Variants in ALOX5 observed in about 807,000 individuals in gnomAD.
ALOX5 encodes the protein arachidonate 5-lipoxygenase.
ALOX5 carries 64 observed loss-of-function variants against 87.9 expected under a neutral mutation model. That is an observed-to-expected ratio of 0.73 (90% CI 0.60 to 0.90). The LOEUF (loss-of-function observed/expected upper bound fraction) is 0.90, where lower values mean the gene tolerates loss of function less well. Among genes scored for constraint, ALOX5 ranks in the 40% least tolerant of loss-of-function variants. The pLI, the probability that ALOX5 is intolerant of heterozygous loss-of-function variation, is 0.00. For synonymous variants in ALOX5, 388 were observed against 355.1 expected, an observed-to-expected ratio of 1.09 and a Z score of -1.04; for missense variants, 822 against 907.5, an observed-to-expected ratio of 0.91 and a Z score of 1.21.
rs890304456 is a variant in ALOX5, at chr10:45,425,855, T to C, written c.834+723T>C. The stretch of plus-strand genomic sequence containing the variant: ...TCCAGGTGGCCTCTGCTGCTTCCAG[T>C]CTTTTGAGCTCAGCTTACCCTGAGG... On this transcript the variant is annotated intron_variant, in intron 6 of 13. Coordinates refer to ENST00000374391, the MANE Select transcript of ALOX5 (RefSeq NM_000698.5). This position sits in a 1 kb window ranked among gnomAD's most constrained non-coding sequence, Gnocchi z 4.4. 1.3e-5 allele frequency among the ~76,000 whole-genome samples: 2 copies of C among 152,166 alleles called. No individual in the cohort carries two copies. Among genetic ancestry groups the C allele is most frequent in the African/African-American group, 4.8e-5 (2 of 41,432 alleles).
chr10:45,418,971 A>T (rs1450210328), intron 4 of ALOX5, among the ~76,000 whole-genome samples: 4 of 152,094 alleles, frequency 2.6e-5, no homozygotes, highest in Admixed American at 2.6e-4. Flanking sequence ...GGGGGCTCAC[A>T]CGCCCTGCGA....
At chr10:45,405,242 C>T (rs1156579440) in intron 3 of ALOX5, among the ~76,000 whole-genome samples, 3 of 152,184 alleles carry the variant, frequency 2.0e-5, no homozygotes, top group Non-Finnish European at 2.9e-5. Context: ...TTAAGAAATA[C>T]CGACAAAAAT....
At chr10:45,418,009 T>C (rs1728270389) in intron 4 of ALOX5, among the ~76,000 whole-genome samples, 2 of 152,164 alleles carry the variant, frequency 1.3e-5, no homozygotes, top group South Asian at 4.1e-4. Flanking sequence ...GTCCTGTCAT[T>C]AGCCCCTTGA....
At chr10:45,412,163 T>C in intron 3 of ALOX5, 28 bp from the exon 4 acceptor site, 2 of 1,613,886 alleles carry the variant, frequency 1.2e-6, no homozygotes, top group South Asian at 1.1e-5. Flanking sequence ...GGCATTTAAC[T>C]CAATTTCTTC....
At position 45,374,444 on chromosome 10, in the gene ALOX5, GGCACGGGTGGA is replaced by G. The variant is rs754792433; in HGVS notation, c.150+18_150+28del. ...AGCGTGGCGCGGTGAGCGCGGGCGGGGCACGGGTGGAGCGCGGGCTGAGGTGCGTCCGGGAC... is the reference window on the plus strand; with the variant it reads ...AGCGTGGCGCGGTGAGCGCGGGCGGGGCGCGGGCTGAGGTGCGTCCGGGAC... On this transcript the variant is annotated intron_variant, in intron 1 of 13. Transcript: ENST00000374391. 3.3e-6 allele frequency: 5 copies of G among 1,537,316 alleles called. No individual in the cohort carries two copies. The highest frequency in any genetic ancestry group is 2.6e-5 in the East Asian group (1 of 38,986).
intron 3 of ALOX5, among the ~76,000 whole-genome samples, chr10:45,396,777 A>G (rs899345376): frequency 9.9e-5 from 15 of 152,234 alleles, no homozygotes; most frequent in South Asian, 4.1e-4. Flanking sequence ...CTATAAACCA[A>G]TATCCCTTAG....
chr10:45,416,383 A>G lies in ALOX5; in HGVS notation c.554+4070A>G, dbSNP rs12571125. On this transcript the variant is annotated intron_variant, in intron 4 of 13. Transcript: ENST00000374391. The stretch of plus-strand genomic sequence containing the variant: ...GGGTCTACTGGAGAGAAAAATTAAA[A>G]CCTAACATCTGGATTAGTAATGCAG... Among the ~76,000 whole-genome samples the G allele has an allele frequency of 3.0e-3, 452 of 152,228 alleles. 7 individuals are homozygous for G. In the East Asian group the frequency reaches 0.048, roughly 16 times the overall value.
chr10:45,409,105 C>T (rs1183177060), intron 3 of ALOX5, among the ~76,000 whole-genome samples: 1 of 152,226 alleles, frequency 6.6e-6, no homozygotes, highest in East Asian at 1.9e-4. Context: ...CAGACTTCAG[C>T]CACTCACAGT....
At chr10:45,377,658 T>C (rs1039400607) in intron 1 of ALOX5, among the ~76,000 whole-genome samples, 1 of 152,084 alleles carries the variant, frequency 6.6e-6, no homozygotes, top group African/African-American at 2.4e-5. Flanking sequence ...CCAATCTTCC[T>C]CTCTGCTCTA....
At chr10:45,377,449 A>AG (rs1252774574) in intron 1 of ALOX5, among the ~76,000 whole-genome samples, 1 of 149,934 alleles carries the variant, frequency 6.7e-6, no homozygotes, top group African/African-American at 2.4e-5. Flanking sequence ...ATTTTCCTCT[A>AG]CACTCTGTCT....
Position 45,424,155 on chromosome 10 carries a change from T to G in ALOX5, c.661+8T>G, listed in dbSNP as rs766374033. ...TCAGCAACACTATTTCTGGTGAGTGTGCCTCTGGGGGCCCAAGTGGTGCTG... is the reference window on the plus strand; with the variant it reads ...TCAGCAACACTATTTCTGGTGAGTGGGCCTCTGGGGGCCCAAGTGGTGCTG... On this transcript the variant is annotated splice_region_variant and intron_variant, in intron 5 of 13. Coordinates refer to ENST00000374391, the MANE Select transcript of ALOX5 (RefSeq NM_000698.5). 3 of 1,608,706 alleles carry G rather than the reference T, an allele frequency of 1.9e-6. No homozygotes were observed. In the Admixed American group the frequency reaches 5.0e-5, roughly 27 times the overall value.
Position 45,443,407 on chromosome 10 carries a change from CT to C in ALOX5, c.1452-8del. 6.2e-7 allele frequency: 1 copy of C among 1,600,184 alleles called. No individual in the cohort carries two copies. Among genetic ancestry groups the C allele is most frequent in the Non-Finnish European group, 8.5e-7 (1 of 1,173,664 alleles). ...GGGTCGCCCACCCCGGCTGCGCCCC[CT>C]GAGCCAGGTTCACGGCCGAGGTGGT... On this transcript the variant is annotated splice_region_variant and splice_polypyrimidine_tract_variant and intron_variant, in intron 10 of 13. Coordinates refer to ENST00000374391, the MANE Select transcript of ALOX5 (RefSeq NM_000698.5).
In ALOX5 at chr10:45,428,681, C is replaced by T; in HGVS notation, c.898C>T (p.Pro300Ser). ...TGGCATCGATGCCAACAAAACAGAC[C>T]CCTGCACACTCCAGTTCCTGGCCGC... ...LDGIDANKTD[P>S]CTLQFLAAPI... The change falls in exon 7 of 14, where the codon CCC becomes TCC. Residue 300 changes from proline to serine, a missense_variant. Pro to Ser is a moderately conservative substitution (Grantham distance 74, BLOSUM62 -1). Coordinates refer to ENST00000374391, the MANE Select transcript of ALOX5 (RefSeq NM_000698.5). The T allele has an allele frequency of 6.2e-7, 1 of 1,614,078 alleles. No homozygotes were observed. Among genetic ancestry groups the T allele is most frequent in the South Asian group, 1.1e-5 (1 of 91,072 alleles).
Position 45,441,343 on chromosome 10 carries a change from G to C in ALOX5, c.1186-1G>C. Reference sequence around the variant, plus strand: ...GAGGCCTCCTCCTCTCCCCTCCCCAGCTGCTGGTGGCACACGTGAGATTCA... The same window carrying C: ...GAGGCCTCCTCCTCTCCCCTCCCCACCTGCTGGTGGCACACGTGAGATTCA... On this transcript the variant is annotated splice_acceptor_variant, in intron 8 of 13. Coordinates refer to ENST00000374391, the MANE Select transcript of ALOX5 (RefSeq NM_000698.5). LOFTEE classifies it high-confidence loss of function. The C allele has an allele frequency of 6.2e-7, 1 of 1,613,196 alleles. No individual in the cohort carries two copies. Among genetic ancestry groups the C allele is most frequent in the Non-Finnish European group, 8.5e-7 (1 of 1,179,476 alleles).
chr10:45,443,602 A>G, intron 11 of ALOX5, 65 bp downstream of exon 11: 2 of 1,593,502 alleles, frequency 1.3e-6, no homozygotes, highest in Non-Finnish European at 1.7e-6. Context: ...CCCCTCCGCC[A>G]CCCCTCCGGG....
chr10:45,410,778 C>T (rs1373124478), intron 3 of ALOX5, among the ~76,000 whole-genome samples: 2 of 152,206 alleles, frequency 1.3e-5, no homozygotes, highest in African/African-American at 4.8e-5. Flanking sequence ...CCCAAAGAAA[C>T]TAACAGGATT....
At chr10:45,396,646 A>G (rs1234706347) in intron 3 of ALOX5, among the ~76,000 whole-genome samples, 2 of 152,254 alleles carry the variant, frequency 1.3e-5, no homozygotes, top group Admixed American at 6.5e-5. Flanking sequence ...GGCTAATTCT[A>G]TCAAACATTT....
At chr10:45,401,672 T>C (rs547363225) in intron 3 of ALOX5, among the ~76,000 whole-genome samples, 1 of 152,180 alleles carries the variant, frequency 6.6e-6, no homozygotes, top group Non-Finnish European at 1.5e-5. Flanking sequence ...CCTGGACATT[T>C]AGGAGGTTTC....
chr10:45,420,717 G>T (rs555564997), intron 4 of ALOX5, among the ~76,000 whole-genome samples: 33 of 152,366 alleles, frequency 2.2e-4, no homozygotes, highest in South Asian at 1.7e-3. Flanking sequence ...CCTGGAAGGG[G>T]GCCAGCCCTC....
Sources: gnomAD v4.1 joint callset for allele counts (sites outside exome capture counted in the v4.1 genomes callset) on GRCh38, gnomAD v4.1.1 for gene constraint, Gnocchi (gnomAD v3.1) non-coding constraint, MANE v1.5 for transcripts, NCBI Gene and HGNC (gene_info 2026-07-23, HGNC 2026-07-21) for gene names.